The following PALM2AKAP2 variants were observed in gnomAD, a reference collection of about 807,000 sequenced individuals.
PALM2AKAP2 encodes PALM2-AKAP2 fusion protein.
PALM2AKAP2 carries 37 observed loss-of-function variants against 71.5 expected under a neutral mutation model. The ratio of observed to expected loss-of-function variants is 0.52; its 90% CI spans 0.40 to 0.68. PALM2AKAP2 has a LOEUF of 0.68. Ranked by LOEUF, PALM2AKAP2 falls within the 30% of genes least tolerant of loss-of-function variation. The probability of loss-of-function intolerance (pLI) is 0.00; values close to 1 mark genes in which losing one functional copy is unlikely to be tolerated. For missense variants in PALM2AKAP2, 1,224 were observed against 1,191.8 expected, an observed-to-expected ratio of 1.03 and a Z score of -0.40; for synonymous variants, 468 against 478.8, an observed-to-expected ratio of 0.98 and a Z score of 0.29.
intron 1 of PALM2AKAP2, among the ~76,000 whole-genome samples, chr9:109,696,454 A>G (rs2118564090): frequency 6.6e-6 from 1 of 152,374 alleles, no homozygotes; most frequent in South Asian, 2.1e-4. Flanking sequence ...ATATGTTTTC[A>G]GCAAGGGTGC....
Position 109,935,628 on chromosome 9 carries a change from T to C in PALM2AKAP2, c.496+3600T>C, listed in dbSNP as rs139781622. On this transcript the variant is annotated intron_variant, in intron 6 of 9. Coordinates refer to the PALM2AKAP2 transcript ENST00000302798. ...CTGGCTCTTAGTCATCTCTGGTCTT[T>C]GAAGATTAACTTTAGAATTTAGCTA... 3.6e-3 allele frequency among the ~76,000 whole-genome samples: 542 copies of C among 152,328 alleles called. 5 individuals are homozygous for C. The highest frequency in any genetic ancestry group is 0.012 in the African/African-American group (512 of 41,580).
chr9:109,671,077 T>C (rs957712209), intron 1 of PALM2AKAP2, among the ~76,000 whole-genome samples: 6 of 152,130 alleles, frequency 3.9e-5, no homozygotes, highest in African/African-American at 1.5e-4. Flanking sequence ...GGTTGTCTGT[T>C]TACTTTGTTG....
intron 1 of PALM2AKAP2, among the ~76,000 whole-genome samples, chr9:110,086,578 A>G (rs553957897): frequency 6.6e-6 from 1 of 152,212 alleles, no homozygotes; most frequent in Non-Finnish European, 1.5e-5. Flanking sequence ...CATTGGGCTC[A>G]TGACCCCATA....
intron 6 of PALM2AKAP2, among the ~76,000 whole-genome samples, chr9:109,956,592 A>T (rs1206591889): frequency 2.0e-5 from 3 of 152,218 alleles, no homozygotes; most frequent in Non-Finnish European, 2.9e-5. Flanking sequence ...CTAAATTCTA[A>T]CTATAGCTCA....
chr9:109,792,547 G>C (rs74644225), intron 1 of PALM2AKAP2, among the ~76,000 whole-genome samples: 2,358 of 152,156 alleles, frequency 0.015, 64 homozygotes, highest in African/African-American at 0.054. Context: ...TCCCAGGAAG[G>C]CTGATTTTAA....
At chr9:109,914,488 C>T (rs1327473069) in intron 3 of PALM2AKAP2, among the ~76,000 whole-genome samples, 2 of 152,202 alleles carry the variant, frequency 1.3e-5, no homozygotes, top group Non-Finnish European at 2.9e-5. Context: ...AGTCCCCTTT[C>T]CACTTTTACT....
chr9:109,692,394 A>C (rs563887567), intron 1 of PALM2AKAP2, among the ~76,000 whole-genome samples: 19 of 152,058 alleles, frequency 1.2e-4, no homozygotes, highest in African/African-American at 4.3e-4. Flanking sequence ...TCATCATTGA[A>C]AAATATAGTC....
At position 109,660,140 on chromosome 9, in the gene PALM2AKAP2, C is replaced by A. The variant is rs151036137; in HGVS notation, c.5+19274C>A. On this transcript the variant is annotated intron_variant, in intron 1 of 6. Coordinates refer to the PALM2AKAP2 transcript ENST00000374531. ...TAAGCTACTGCACCTGACCCAAAAA[C>A]AACTCTTTCAGAAAAATGTGTGGCT... 4.7e-3 allele frequency among the ~76,000 whole-genome samples: 717 copies of A among 152,306 alleles called. 9 individuals are homozygous for A. Among genetic ancestry groups the A allele is most frequent in the African/African-American group, 0.016 (683 of 41,568 alleles).
At chr9:109,867,505 G>A (rs1284873296) in exon 2 of PALM2AKAP2, 1 of 1,612,490 alleles carries the variant, frequency 6.2e-7, no homozygotes, top group Non-Finnish European at 8.5e-7. Flanking sequence ...AAAGAAAGAG[G>A]CAGACTGAAA....
chr9:109,800,308 G>T (rs12336878), intron 1 of PALM2AKAP2, among the ~76,000 whole-genome samples: 11,085 of 152,246 alleles, frequency 0.073, 545 homozygotes, highest in South Asian at 0.11. Flanking sequence ...TACTGTTATG[G>T]TAAGTGTTTA....
At chr9:110,072,573 A>G (rs1834227991) in intron 1 of PALM2AKAP2, among the ~76,000 whole-genome samples, 1 of 152,222 alleles carries the variant, frequency 6.6e-6, no homozygotes, top group Admixed American at 6.5e-5. Flanking sequence ...CGGTAGATGA[A>G]GAAGCCATTG....
chr9:110,139,671 A>G (rs1389409776), intron 2 of PALM2AKAP2, among the ~76,000 whole-genome samples: 1 of 152,032 alleles, frequency 6.6e-6, no homozygotes, highest in Non-Finnish European at 1.5e-5. Flanking sequence ...CAAACCTACA[A>G]TGACTCAAGG....
At chr9:109,764,821 A>T (rs200603494) in intron 1 of PALM2AKAP2, among the ~76,000 whole-genome samples, 11 of 3,520 alleles carry the variant, frequency 3.1e-3, no homozygotes, top group African/African-American at 9.1e-3. Flanking sequence ...AATATTTTTT[A>T]AAAAAAAGAA....
chr9:110,086,633 C>T lies in PALM2AKAP2; in HGVS notation c.156+37778C>T, dbSNP rs564785566. On this transcript the variant is annotated intron_variant, in intron 1 of 3. Transcript: ENST00000374525. The stretch of plus-strand genomic sequence containing the variant: ...ACATGCATTAAGTTGCAAAGTCAGT[C>T]TAAATGACTTGACTATCAACCTGTC... Among the ~76,000 whole-genome samples, 5 of 152,320 alleles carry T rather than the reference C, an allele frequency of 3.3e-5. No individual in the cohort carries two copies. The East Asian group carries it at 9.6e-4, about 29-fold the overall frequency.
chr9:109,960,543 T>A (rs1831835014), intron 6 of PALM2AKAP2, among the ~76,000 whole-genome samples: 3 of 152,164 alleles, frequency 2.0e-5, no homozygotes, highest in African/African-American at 7.2e-5. Flanking sequence ...CACAGGAGGC[T>A]GAGGCAGGAG....
intron 1 of PALM2AKAP2, among the ~76,000 whole-genome samples, chr9:109,839,285 C>T (rs900831648): frequency 6.6e-6 from 1 of 152,146 alleles, no homozygotes; most frequent in Admixed American, 6.5e-5. Context: ...AGACAAAAAC[C>T]ACATGATTAT....
At position 110,069,898 on chromosome 9, in the gene PALM2AKAP2, A is replaced by T. The variant is rs575858711; in HGVS notation, c.156+21043A>T. ...TTATAAGAATTTTTACTTCGGTTAA[A>T]TCATAATCAGGCGGCTATTTCCGTT... On this transcript the variant is annotated intron_variant, in intron 1 of 3. Transcript: ENST00000374525. Among the ~76,000 whole-genome samples the T allele has an allele frequency of 2.2e-4, 33 of 152,374 alleles. 1 individual carries two copies. Among genetic ancestry groups the T allele is most frequent in the African/African-American group, 7.9e-4 (33 of 41,592 alleles).
intron 1 of PALM2AKAP2, among the ~76,000 whole-genome samples, chr9:109,774,693 G>A (rs1054911865): frequency 2.6e-5 from 4 of 151,854 alleles, no homozygotes; most frequent in African/African-American, 9.7e-5. Flanking sequence ...ATAAAAGGGT[G>A]GATAAAATGA....
intron 6 of PALM2AKAP2, among the ~76,000 whole-genome samples, chr9:110,011,014 A>AAAAAAAAAAAAAATATATAT (rs35212981): frequency 4.3e-5 from 3 of 69,586 alleles, no homozygotes; most frequent in African/African-American, 2.4e-4. Context: ...AAAAAAAAAA[A>AAAAAAAAAAAAAATATATAT]ATATATATAT....
Sources: allele counts gnomAD v4.1 joint callset (sites outside exome capture counted in the v4.1 genomes callset), GRCh38; gene constraint gnomAD v4.1.1; transcripts MANE v1.5; gene names NCBI Gene and HGNC (gene_info 2026-07-23, HGNC 2026-07-21).